The following NDST4 variants were observed in gnomAD, a reference collection of about 807,000 sequenced individuals.
NDST4 encodes N-deacetylase and N-sulfotransferase 4.
A neutral mutation model predicts 100.8 loss-of-function variants in NDST4; 63 were observed. That is an observed-to-expected ratio of 0.62 (90% CI 0.51 to 0.77). The LOEUF is 0.77. NDST4 is among the 30% of genes least tolerant of loss of function. The pLI is 0.00. For missense variants in NDST4, 943 were observed against 1,018.4 expected (o/e 0.93, Z 1.01); for synonymous variants, 377 against 361.8 (o/e 1.04, Z -0.48).
intron 7 of NDST4, among the ~76,000 whole-genome samples, chr4:114,867,531 G>A (rs1479197792): frequency 6.6e-6 from 1 of 151,728 alleles, no homozygotes. Flanking sequence ...AGTGAAGACT[G>A]GAACTGAGCT....
intron 2 of NDST4, among the ~76,000 whole-genome samples, chr4:115,056,235 C>G (rs536040859): frequency 1.3e-5 from 2 of 151,854 alleles, no homozygotes; most frequent in South Asian, 4.1e-4. Flanking sequence ...GCCTGTAGTC[C>G]CAGGTACTTG....
intron 1 of NDST4, among the ~76,000 whole-genome samples, chr4:115,111,399 T>C (rs1172100636): frequency 6.6e-6 from 1 of 151,770 alleles, no homozygotes; most frequent in African/African-American, 2.4e-5. Flanking sequence ...TATGTTTCTA[T>C]TTTGATTATC....
At chr4:115,016,472 A>G (rs765459296) in intron 2 of NDST4, among the ~76,000 whole-genome samples, 24 of 152,080 alleles carry the variant, frequency 1.6e-4, no homozygotes, top group Non-Finnish European at 3.1e-4. Flanking sequence ...TGCTGATCTA[A>G]AGGTTTTATC....
At chr4:114,840,488 G>A (rs1320491255) in intron 10 of NDST4, among the ~76,000 whole-genome samples, 3 of 152,130 alleles carry the variant, frequency 2.0e-5, no homozygotes, top group Admixed American at 2.0e-4. Context: ...AGAGGTAGAA[G>A]TTACTTGCTG....
chr4:115,055,352 C>T (rs1002296972), intron 2 of NDST4, among the ~76,000 whole-genome samples: 2 of 152,080 alleles, frequency 1.3e-5, no homozygotes, highest in Admixed American at 6.6e-5. Flanking sequence ...TCTTACCTCT[C>T]GTCTGTGGAA....
intron 4 of NDST4, among the ~76,000 whole-genome samples, chr4:114,969,875 T>C (rs1339712156): frequency 4.6e-5 from 7 of 152,228 alleles, no homozygotes; most frequent in African/African-American, 1.7e-4. Flanking sequence ...TTAAGTTCTT[T>C]GAGAAATTGC....
At chr4:114,904,015 A>T (rs1238594006) in intron 6 of NDST4, among the ~76,000 whole-genome samples, 1 of 152,040 alleles carries the variant, frequency 6.6e-6, no homozygotes, top group Non-Finnish European at 1.5e-5. Context: ...GCTTTTAAAA[A>T]TGTTAGCCCT....
intron 3 of NDST4, among the ~76,000 whole-genome samples, chr4:114,976,594 C>T (rs967031022): frequency 6.6e-6 from 1 of 151,818 alleles, no homozygotes; most frequent in Non-Finnish European, 1.5e-5. Flanking sequence ...AACATAAGTA[C>T]AATTGTGGCT....
chr4:115,022,800 C>T (rs374338700), intron 2 of NDST4, among the ~76,000 whole-genome samples: 1 of 152,068 alleles, frequency 6.6e-6, no homozygotes, highest in East Asian at 1.9e-4. Context: ...GATCTGATGG[C>T]TTTAAAAATA....
At chr4:115,068,643 A>G (rs890087233) in intron 2 of NDST4, among the ~76,000 whole-genome samples, 15 of 86,474 alleles carry the variant, frequency 1.7e-4, no homozygotes, top group African/African-American at 1.1e-3. Flanking sequence ...CCCATCTCCA[A>G]AAAAAAAAAA....
intron 2 of NDST4, among the ~76,000 whole-genome samples, chr4:115,034,608 G>T (rs1216285006): frequency 6.6e-6 from 1 of 151,978 alleles, no homozygotes; most frequent in African/African-American, 2.4e-5. Flanking sequence ...ACCTTAATCT[G>T]GGAGAAAGTA....
chr4:115,068,460 A>T (rs977540036), intron 2 of NDST4, among the ~76,000 whole-genome samples: 1 of 152,116 alleles, frequency 6.6e-6, no homozygotes, highest in East Asian at 1.9e-4. Flanking sequence ...TACACAAATC[A>T]CTTGCTTCAA....
At chr4:115,014,706 G>T (rs1296858335) in intron 2 of NDST4, among the ~76,000 whole-genome samples, 1 of 151,992 alleles carries the variant, frequency 6.6e-6, no homozygotes, top group Non-Finnish European at 1.5e-5. Context: ...TGGAGTTTTT[G>T]GCAGGCCCCT....
At chr4:115,056,109 C>T (rs747000091) in intron 2 of NDST4, among the ~76,000 whole-genome samples, 2 of 151,968 alleles carry the variant, frequency 1.3e-5, no homozygotes, top group African/African-American at 2.4e-5. Context: ...TCCAGCACTT[C>T]GTGAGGTCAA....
intron 4 of NDST4, among the ~76,000 whole-genome samples, chr4:114,968,234 A>G (rs1051094985): frequency 6.6e-6 from 1 of 152,210 alleles, no homozygotes; most frequent in African/African-American, 2.4e-5. Context: ...GACTTGCGCT[A>G]TGCTTCCAAA....
chr4:115,046,865 A>C (rs532953067), intron 2 of NDST4, among the ~76,000 whole-genome samples: 1 of 152,306 alleles, frequency 6.6e-6, no homozygotes, highest in African/African-American at 2.4e-5. Context: ...AGCAAATCAA[A>C]GAGAAAATTG....
intron 2 of NDST4, among the ~76,000 whole-genome samples, chr4:115,000,787 C>T (rs901166606): frequency 2.5e-4 from 38 of 152,134 alleles, no homozygotes; most frequent in African/African-American, 7.0e-4. Flanking sequence ...TCCATTTGGT[C>T]GGCTATAACA....
At chr4:114,971,380 T>C (rs991251337) in intron 3 of NDST4, among the ~76,000 whole-genome samples, 1 of 152,024 alleles carries the variant, frequency 6.6e-6, no homozygotes, top group Non-Finnish European at 1.5e-5. Context: ...ACAAAAAACA[T>C]TGTTATGCCA....
At chr4:115,002,332 CT>C (rs1358363187) in intron 2 of NDST4, among the ~76,000 whole-genome samples, 1 of 152,102 alleles carries the variant, frequency 6.6e-6, no homozygotes, top group Non-Finnish European at 1.5e-5. Flanking sequence ...CCTTTGCCCA[CT>C]TTTTGATGGG....
Sources: gnomAD v4.1 joint callset for allele counts (sites outside exome capture counted in the v4.1 genomes callset) on GRCh38, gnomAD v4.1.1 for gene constraint, MANE v1.5 for transcripts, NCBI Gene and HGNC (gene_info 2026-07-23, HGNC 2026-07-21) for gene names.